MYCBPAP: variants seen among roughly 807,000 people sequenced by gnomAD.
MYCBPAP encodes MYCBP-associated protein.
In MYCBPAP, 60 loss-of-function variants were observed where a neutral mutation model predicts 106.1. The observed-to-expected ratio is 0.57, with a 90% CI of 0.46 to 0.70. The LOEUF (loss-of-function observed/expected upper bound fraction) is 0.70. Ranked by LOEUF, MYCBPAP falls within the 30% of genes least tolerant of loss-of-function variation. The pLI, the probability that MYCBPAP is intolerant of heterozygous loss-of-function variation, is 0.00. For synonymous variants in MYCBPAP, 407 were observed against 440.6 expected (o/e 0.92, Z 0.95); for missense variants, 1,064 against 1,169.3 (o/e 0.91, Z 1.31).
At chr17:50,510,473 A>ATGTGTGTGTGTGTG (rs1180380321) in intron 1 of MYCBPAP, 1 of 96,296 alleles carries the variant, frequency 1.0e-5, no homozygotes, top group African/African-American at 4.8e-5. Flanking sequence ...ATGTGTATAT[A>ATGTGTGTGTGTGTG]TGTGTGTGTG....
Position 50,518,627 on chromosome 17 carries a change from G to C in MYCBPAP, c.555G>C (p.Glu185Asp), listed in dbSNP as rs8064455. 0.18 allele frequency: 295,074 copies of C among 1,610,924 alleles called. 34,933 individuals are homozygous for C. The highest frequency in any genetic ancestry group is 0.6 in the African/African-American group (44,493 of 74,580). The part of the protein sequence containing the change: ...GESKQKAPKE[E>D]KRPPWAPPPQ... ...CAAAGCAAAAAGCCCCAAAAGAAGAGAAGAGACCTCCCTGGGCCCCACCTC... is the reference window on the plus strand; with the variant it reads ...CAAAGCAAAAAGCCCCAAAAGAAGACAAGAGACCTCCCTGGGCCCCACCTC... Residue 185 changes from glutamate (E) to aspartate (D), a missense_variant, in exon 5 of 19, where the codon GAG (glutamate) becomes GAC (aspartate). Transcript: ENST00000323776.
At chr17:50,516,368 G>A (rs1216221006) in intron 1 of MYCBPAP, among the ~76,000 whole-genome samples, 4 of 152,198 alleles carry the variant, frequency 2.6e-5, no homozygotes, top group African/African-American at 9.7e-5. Context: ...TGTGGGTAGG[G>A]GGACCCTCCA....
intron 18 of MYCBPAP, among the ~76,000 whole-genome samples, chr17:50,530,552 T>C (rs2034603073): frequency 6.6e-6 from 1 of 150,794 alleles, no homozygotes; most frequent in African/African-American, 2.5e-5. Flanking sequence ...TCCTAGCACG[T>C]TGGAAGGCTG....
chr17:50,522,707 A>ATATATATATATATATATAT (rs1241886997), intron 10 of MYCBPAP: 1 of 32,778 alleles, frequency 3.1e-5, no homozygotes, highest in Admixed American at 2.6e-4. Flanking sequence ...AAAAAAAAAA[A>ATATATATATATATATATAT]AAATATATAT....
chr17:50,512,203 G>A lies in MYCBPAP; in HGVS notation c.76+3453G>A, dbSNP rs181159928. Among the ~76,000 whole-genome samples, 801 of 151,948 alleles carry A rather than the reference G, an allele frequency of 5.3e-3. 5 individuals are homozygous for A. The highest frequency in any genetic ancestry group is 0.019 in the African/African-American group (767 of 41,402). On this transcript the variant is annotated intron_variant, in intron 1 of 18. Coordinates refer to ENST00000323776, the MANE Select transcript of MYCBPAP (RefSeq NM_032133.6). ...CGAGTAGCTGGGACTACAGGTGCCC[G>A]CCACCACGCCTGGCTAATATTTTTG...
chr17:50,522,368 G>A, intron 10 of MYCBPAP: 1 of 292,578 alleles, frequency 3.4e-6, no homozygotes, highest in South Asian at 4.4e-5. Context: ...TTCTTCAGAT[G>A]CTAAGGAATA....
intron 14 of MYCBPAP, among the ~76,000 whole-genome samples, chr17:50,526,636 G>A (rs1000900510): frequency 5.3e-5 from 8 of 152,000 alleles, no homozygotes; most frequent in Non-Finnish European, 7.4e-5. Context: ...AGGCTGGAGT[G>A]CAGTGGTGCA....
In MYCBPAP at chr17:50,523,656, G is replaced by A. The variant is rs1446695176; in HGVS notation, c.1507G>A (p.Gly503Arg). 2 of 1,614,184 alleles carry A rather than the reference G, an allele frequency of 1.2e-6. No homozygotes were observed. Among genetic ancestry groups the A allele is most frequent in the South Asian group, 1.1e-5 (1 of 91,080 alleles). Residue 503 changes from glycine (G) to arginine (R), a missense_variant, in exon 12 of 19, where the codon GGG (glycine) becomes AGG (arginine). Coordinates refer to ENST00000323776, the MANE Select transcript of MYCBPAP (RefSeq NM_032133.6). ...FTFFFKSLTA[G>R]VFREFWEFRT... The stretch of plus-strand genomic sequence containing the variant: ...CTTCTTCTTCAAGTCTTTGACTGCT[G>A]GGGTCTTCAGGGAATTTTGGGAGTT...
At chr17:50,516,530 G>A (rs990091189) in intron 1 of MYCBPAP, 40 bp from the exon 2 acceptor site, 1 of 1,604,360 alleles carries the variant, frequency 6.2e-7, no homozygotes, top group Non-Finnish European at 8.5e-7. Flanking sequence ...TATACAGAAG[G>A]AGCTCTTTAA....
intron 18 of MYCBPAP, among the ~76,000 whole-genome samples, chr17:50,530,845 C>G (rs2034612687): frequency 6.6e-6 from 1 of 151,750 alleles, no homozygotes; most frequent in Admixed American, 6.6e-5. Context: ...CAACTTAGCT[C>G]TAGTATCTCC....
intron 11 of MYCBPAP, 109 bp from the exon 12 acceptor site, chr17:50,523,488 T>C (rs1000289527): frequency 3.4e-6 from 4 of 1,168,870 alleles, no homozygotes; most frequent in Non-Finnish European, 5.0e-6. Flanking sequence ...ACTGGGATGG[T>C]TGGCCAGCCA....
In MYCBPAP at chr17:50,526,118, A is replaced by C. The variant is rs757711452; in HGVS notation, c.2020A>C (p.Arg674=). The change falls in exon 14 of 19, where the codon AGA becomes CGA. Residue 674 remains arginine, a synonymous_variant. Coordinates refer to ENST00000323776, the MANE Select transcript of MYCBPAP (RefSeq NM_032133.6). ...CAGGGAATCCGGGTCCCAGAAGGCC[A>C]GAGTGGGGACCAAGAGTCCTCAGCG... ...ALRESGSQKA[R]VGTKSPQRKS... is the part of the protein sequence containing the mutation. The C allele has an allele frequency of 3.8e-5, 62 of 1,613,798 alleles. No homozygotes were observed. Among genetic ancestry groups the C allele is most frequent in the Non-Finnish European group, 4.9e-5 (58 of 1,180,040 alleles).
chr17:50,508,831 G>A, intron 1 of MYCBPAP, 81 bp downstream of exon 1: 1 of 1,235,800 alleles, frequency 8.1e-7, no homozygotes, highest in Non-Finnish European at 1.2e-6. Flanking sequence ...CACGGGGCCT[G>A]GAGGATGGGG....
chr17:50,508,996 C>T (rs1475907102), intron 1 of MYCBPAP: 9 of 702,570 alleles, frequency 1.3e-5, no homozygotes, highest in Non-Finnish European at 2.1e-5. Flanking sequence ...CCTCAGGGAC[C>T]ACTGGCTGGG....
chr17:50,524,737 T>TGAGAGA (rs3840067), intron 12 of MYCBPAP, 140 bp from the exon 13 acceptor site: 8,758 of 455,980 alleles, frequency 0.019, 52 homozygotes, highest in Middle Eastern at 0.032. Context: ...TGTGTGTGTG[T>TGAGAGA]GAGAGAGAGA....
intron 1 of MYCBPAP, chr17:50,510,499 G>GTCTATATATA (rs1418345705): frequency 1.3e-5 from 1 of 76,414 alleles, no homozygotes; most frequent in Non-Finnish European, 2.6e-5. Flanking sequence ...GTGTGTGTGT[G>GTCTATATATA]TATATATATA....
chr17:50,508,597 T>C lies in MYCBPAP; in HGVS notation c.-78T>C. On this transcript the variant is annotated 5_prime_UTR_variant, in exon 1 of 19. Transcript: ENST00000323776. ...TTGCTGTGGACGCAGTGGCGGCCGT[T>C]GGCTGGCGGGTGCGGCGCAGCCTCG... 6.4e-7 allele frequency: 1 copy of C among 1,558,130 alleles called. No individual in the cohort carries two copies. The highest frequency in any genetic ancestry group is 8.7e-7 in the Non-Finnish European group (1 of 1,150,106).
At chr17:50,515,333 A>C (rs2034009990) in intron 1 of MYCBPAP, among the ~76,000 whole-genome samples, 1 of 152,178 alleles carries the variant, frequency 6.6e-6, no homozygotes, top group Non-Finnish European at 1.5e-5. Context: ...TTTAAAGACA[A>C]GCTCTGGCAT....
At chr17:50,518,412 GGAGT>G (rs1179522587) in intron 4 of MYCBPAP, 125 bp from the exon 5 acceptor site, 2 of 717,326 alleles carry the variant, frequency 2.8e-6, no homozygotes, top group Non-Finnish European at 4.3e-6. Flanking sequence ...TGGCTACTCT[GGAGT>G]CCTGAAGAGG....
Sources: gnomAD v4.1 joint callset for allele counts (sites outside exome capture counted in the v4.1 genomes callset) on GRCh38, gnomAD v4.1.1 for gene constraint, MANE v1.5 for transcripts, NCBI Gene and HGNC (gene_info 2026-07-23, HGNC 2026-07-21) for gene names.